RFX4: variants seen among roughly 807,000 people sequenced by gnomAD.
RFX4 encodes regulatory factor X4, also known as transcription factor RFX4.
A neutral mutation model predicts 95.0 loss-of-function variants in RFX4; 10 were observed. The ratio of observed to expected loss-of-function variants is 0.11; its 90% CI spans 0.06 to 0.18. RFX4 has a LOEUF of 0.18. RFX4 is among the 10% of genes least tolerant of loss of function. The pLI, the probability that RFX4 is intolerant of heterozygous loss-of-function variation, is 1.00. For synonymous variants in RFX4, 321 were observed against 340.7 expected (o/e 0.94, Z 0.64); for missense variants, 640 against 922.0 (o/e 0.69, Z 3.96).
At chr12:106,744,502 A>T (rs907583165) in intron 15 of RFX4, among the ~76,000 whole-genome samples, 33 of 152,232 alleles carry the variant, frequency 2.2e-4, no homozygotes, top group African/African-American at 8.0e-4. Flanking sequence ...TCATGTAAGA[A>T]TACCTGAATT....
chr12:106,747,590 A>G lies in RFX4; in HGVS notation c.1787A>G (p.Glu596Gly), dbSNP rs1383876899. 1.9e-6 allele frequency: 3 copies of G among 1,613,678 alleles called. No individual in the cohort carries two copies. Among genetic ancestry groups the G allele is most frequent in the South Asian group, 2.2e-5 (2 of 91,022 alleles). The change falls in exon 16 of 18, where the codon GAG becomes GGG. Residue 596 changes from glutamate to glycine, a missense_variant. Coordinates refer to ENST00000392842, the MANE Select transcript of RFX4 (RefSeq NM_213594.3). ...THRIPVYPHR[E>G]EHGYTGSYNY... ...AGGATACCAGTTTATCCCCACAGAG[A>G]GGAACATGGGTAGGTAACTTTCCAG...
chr12:106,601,289 A>G, intron 1 of RFX4: 1 of 1,593,748 alleles, frequency 6.3e-7, no homozygotes. Context: ...GATCAAAAGG[A>G]GAGCCCACCC....
chr12:106,587,058 G>A (rs944743581), intron 1 of RFX4, among the ~76,000 whole-genome samples: 37 of 152,232 alleles, frequency 2.4e-4, no homozygotes, highest in African/African-American at 8.7e-4. Flanking sequence ...ATTTGGCAGC[G>A]GGGTCAAGTG....
At chr12:106,619,209 TC>T (rs1350175214) in intron 2 of RFX4, among the ~76,000 whole-genome samples, 4 of 152,228 alleles carry the variant, frequency 2.6e-5, no homozygotes, top group Non-Finnish European at 4.4e-5. Context: ...GTTTCATGCT[TC>T]CATCTGGAAT....
intron 11 of RFX4, among the ~76,000 whole-genome samples, chr12:106,717,633 A>G (rs1021918600): frequency 2.6e-5 from 4 of 152,230 alleles, no homozygotes; most frequent in Admixed American, 6.5e-5. Context: ...TGCTGGCCAA[A>G]GGGCAGTGAA....
intron 2 of RFX4, among the ~76,000 whole-genome samples, chr12:106,628,059 C>T (rs1383271114): frequency 1.3e-5 from 2 of 152,176 alleles, no homozygotes; most frequent in African/African-American, 2.4e-5. Context: ...AGCTGGCTGG[C>T]ACGGCCCCAG....
intron 17 of RFX4, among the ~76,000 whole-genome samples, chr12:106,752,652 T>G (rs997565466): frequency 1.3e-5 from 2 of 152,150 alleles, no homozygotes; most frequent in African/African-American, 4.8e-5. Context: ...GGGTGTCCCG[T>G]GTCTGCTCTT....
chr12:106,712,901 T>C (rs927695117), intron 10 of RFX4, among the ~76,000 whole-genome samples: 4 of 152,162 alleles, frequency 2.6e-5, no homozygotes, highest in African/African-American at 9.7e-5. Flanking sequence ...GGTGCCTCCC[T>C]CTGGGGATCA....
chr12:106,612,415 T>G (rs931636008), intron 2 of RFX4, among the ~76,000 whole-genome samples: 7 of 152,258 alleles, frequency 4.6e-5, no homozygotes, highest in Non-Finnish European at 8.8e-5. Flanking sequence ...TGCTCATTCT[T>G]AGTGTATAGA....
At chr12:106,634,761 G>T (rs1400775199) in intron 2 of RFX4, among the ~76,000 whole-genome samples, 1 of 151,962 alleles carries the variant, frequency 6.6e-6, no homozygotes, top group Non-Finnish European at 1.5e-5. Flanking sequence ...CCCATCTCTG[G>T]CTCACTCCAG....
intron 3 of RFX4, among the ~76,000 whole-genome samples, chr12:106,651,834 G>T (rs904528904): frequency 1.3e-5 from 2 of 152,140 alleles, no homozygotes; most frequent in African/African-American, 4.8e-5. Context: ...CAGAAATCCA[G>T]ATTCTTATGT....
chr12:106,611,617 TCTCCTGCCTCAGC>T, intron 2 of RFX4, among the ~76,000 whole-genome samples: 2 of 152,214 alleles, frequency 1.3e-5, no homozygotes, highest in East Asian at 3.9e-4. Flanking sequence ...TTCAAGTGAT[TCTCCTGCCTCAGC>T]CTCCTGAGTA....
intron 2 of RFX4, among the ~76,000 whole-genome samples, chr12:106,609,985 C>T (rs2039924944): frequency 6.6e-6 from 1 of 152,110 alleles, no homozygotes; most frequent in Admixed American, 6.5e-5. Flanking sequence ...ATTCATTCAT[C>T]TTGTTGTCTC....
chr12:106,741,688 T>C (rs1482055656), intron 15 of RFX4, among the ~76,000 whole-genome samples: 1 of 152,178 alleles, frequency 6.6e-6, no homozygotes, highest in East Asian at 1.9e-4. Flanking sequence ...ACTTGAGCAA[T>C]ATCTGTGATG....
intron 3 of RFX4, among the ~76,000 whole-genome samples, chr12:106,653,087 C>T (rs1411190729): frequency 6.6e-6 from 1 of 152,014 alleles, no homozygotes; most frequent in African/African-American, 2.4e-5. Context: ...CCCCAGGCTT[C>T]GAAGGCATGA....
chr12:106,684,909 G>C, intron 5 of RFX4: 1 of 1,613,698 alleles, frequency 6.2e-7, no homozygotes, highest in Non-Finnish European at 8.5e-7. Flanking sequence ...TCACGGAATG[G>C]TATCAGGAGT....
intron 4 of RFX4, among the ~76,000 whole-genome samples, chr12:106,670,791 A>G (rs1762814547): frequency 6.6e-6 from 1 of 152,204 alleles, no homozygotes; most frequent in Admixed American, 6.5e-5. Context: ...TACAGTCCCC[A>G]TTCATATCAC....
chr12:106,720,089 C>A lies in RFX4; in HGVS notation c.1233+35C>A. ...CCGGCACCTAGCGGGCAGCCTTGGG[C>A]CCTGCAGCCCACCACTGCCCTCTGT... is the stretch of plus-strand genomic sequence containing the variant. On this transcript the variant is annotated intron_variant, in intron 12 of 17. Coordinates refer to ENST00000392842, the MANE Select transcript of RFX4 (RefSeq NM_213594.3). This position sits in a 1 kb window ranked among gnomAD's most constrained non-coding sequence, Gnocchi z 4.2. The A allele has an allele frequency of 6.5e-7, 1 of 1,549,566 alleles. No homozygotes were observed. Among genetic ancestry groups the A allele is most frequent in the Middle Eastern group, 1.9e-4 (1 of 5,382 alleles).
intron 15 of RFX4, among the ~76,000 whole-genome samples, chr12:106,743,077 A>G (rs1325677946): frequency 6.6e-6 from 1 of 152,200 alleles, no homozygotes; most frequent in Non-Finnish European, 1.5e-5. Context: ...TCAATACTGT[A>G]AGGTGACCAA....
Sources: allele counts gnomAD v4.1 joint callset (sites outside exome capture counted in the v4.1 genomes callset), GRCh38; gene constraint gnomAD v4.1.1; non-coding constraint Gnocchi (gnomAD v3.1); transcripts MANE v1.5; gene names NCBI Gene and HGNC (gene_info 2026-07-23, HGNC 2026-07-21).